Variants in TSHR observed in about 807,000 individuals in gnomAD.
The protein encoded by TSHR is thyroid stimulating hormone receptor.
In TSHR, 51 loss-of-function variants were observed where a neutral mutation model predicts 64.1. The ratio of observed to expected loss-of-function variants is 0.80; its 90% CI spans 0.64 to 1.01. The LOEUF (loss-of-function observed/expected upper bound fraction) is 1.01. Among genes scored for constraint, TSHR ranks in the 50% least tolerant of loss-of-function variants. The pLI is 0.00. For synonymous variants in TSHR, 361 were observed against 361.9 expected (o/e 1.00, Z 0.03); for missense variants, 877 against 942.8 (o/e 0.93, Z 0.91).
intron 1 of TSHR, among the ~76,000 whole-genome samples, chr14:80,987,584 A>C (rs1377793628): frequency 6.6e-6 from 1 of 152,218 alleles, no homozygotes; most frequent in Non-Finnish European, 1.5e-5. Flanking sequence ...TTTCTCCATC[A>C]GGTCACGCAG....
chr14:81,032,901 C>A, intron 1 of TSHR: 1 of 353,936 alleles, frequency 2.8e-6, no homozygotes, highest in South Asian at 2.8e-5. Context: ...AAGGCCTGGA[C>A]GAAAGAGGAA....
chr14:81,084,105 T>C (rs1201802400), intron 3 of TSHR, among the ~76,000 whole-genome samples: 1 of 152,174 alleles, frequency 6.6e-6, no homozygotes. Flanking sequence ...CAACTGGGGT[T>C]ACAATTCAAG....
At chr14:81,022,864 G>T (rs949118113) in intron 1 of TSHR, among the ~76,000 whole-genome samples, 3 of 152,004 alleles carry the variant, frequency 2.0e-5, no homozygotes, top group Non-Finnish European at 4.4e-5. Flanking sequence ...GAGGTGATTG[G>T]GTCATGAAGG....
intron 1 of TSHR, among the ~76,000 whole-genome samples, chr14:81,047,664 C>CTTTTTTTTTTTT (rs11462189): frequency 1.5e-5 from 2 of 135,502 alleles, no homozygotes; most frequent in African/African-American, 5.5e-5. Context: ...TTCATTGGCT[C>CTTTTTTTTTTTT]TTTTTTTTTT....
At chr14:81,017,167 A>G (rs1056481178) in intron 1 of TSHR, among the ~76,000 whole-genome samples, 1 of 152,252 alleles carries the variant, frequency 6.6e-6, no homozygotes, top group Non-Finnish European at 1.5e-5. Flanking sequence ...TAGCGTTCCA[A>G]TAATGGAACA....
intron 7 of TSHR, among the ~76,000 whole-genome samples, chr14:81,100,951 G>A (rs943257739): frequency 1.3e-5 from 2 of 152,108 alleles, no homozygotes; most frequent in Admixed American, 1.3e-4. Flanking sequence ...AATCTTTTCA[G>A]CCCCTGTCTC....
rs957064431 is a variant in TSHR, at chr14:81,145,181, C to T, written c.*828C>T. On this transcript the variant is annotated 3_prime_UTR_variant, in exon 10 of 10. Transcript: ENST00000298171. ...ATCCCCTGTTGATTAATAAAACAGG[C>T]TGGACACTAATTAACTATGGGACTT... is the stretch of plus-strand genomic sequence containing the variant. The T allele has an allele frequency of 4.3e-6, 1 of 232,946 alleles. No homozygotes were observed. Among genetic ancestry groups the T allele is most frequent in the Non-Finnish European group, 8.5e-6 (1 of 117,930 alleles). The allele number at this position is 232,946 out of a possible 1,614,324, so 14.4% of individuals were successfully genotyped here.
At chr14:81,029,203 A>T (rs909895770) in intron 1 of TSHR, among the ~76,000 whole-genome samples, 4 of 152,116 alleles carry the variant, frequency 2.6e-5, no homozygotes, top group Non-Finnish European at 5.9e-5. Flanking sequence ...TGTAAAATTT[A>T]CTTCCAAATC....
chr14:81,108,445 A>G lies in TSHR; in HGVS notation c.685A>G (p.Ser229Gly), dbSNP rs1890047991. ...ATTTGGAGGAGTATACAGTGGACCA[A>G]GCTTGCTGTGAGTAAGACATACAAA... is the stretch of plus-strand genomic sequence containing the variant. ...DAFGGVYSGP[S>G]LLDVSQTSVT... Residue 229 changes from serine (S) to glycine (G), a missense_variant, in exon 8 of 10, where the codon AGC (serine) becomes GGC (glycine). Coordinates refer to ENST00000298171, the MANE Select transcript of TSHR (RefSeq NM_000369.5). The G allele has an allele frequency of 6.2e-7, 1 of 1,613,558 alleles. No homozygotes were observed. Among genetic ancestry groups the G allele is most frequent in the African/African-American group, 1.3e-5 (1 of 74,840 alleles).
At chr14:81,064,889 A>G (rs113604528) in intron 2 of TSHR, among the ~76,000 whole-genome samples, 2,334 of 152,126 alleles carry the variant, frequency 0.015, 81 homozygotes, top group African/African-American at 0.053. Context: ...GGAGGGGATG[A>G]GATCCAAATA....
intron 1 of TSHR, among the ~76,000 whole-genome samples, chr14:81,039,656 G>C (rs930844876): frequency 9.2e-5 from 14 of 151,650 alleles, no homozygotes. Context: ...ACAAAAATCA[G>C]TAGCACTTCT....
chr14:81,055,676 G>A (rs1941275213), intron 1 of TSHR, among the ~76,000 whole-genome samples: 1 of 152,174 alleles, frequency 6.6e-6, no homozygotes, highest in African/African-American at 2.4e-5. Context: ...TGACTGTCCT[G>A]CTGTATTTCA....
At chr14:81,014,970 C>A (rs1226492594) in intron 1 of TSHR, among the ~76,000 whole-genome samples, 2 of 152,142 alleles carry the variant, frequency 1.3e-5, no homozygotes, top group South Asian at 2.1e-4. Flanking sequence ...ATTTTCATTT[C>A]AATTCCATGG....
intron 1 of TSHR, chr14:81,053,733 T>C (rs918467887): frequency 6.6e-6 from 1 of 152,196 alleles, no homozygotes; most frequent in African/African-American, 2.4e-5. Context: ...GCAATGAGTA[T>C]GTGTGTCCAT....
chr14:81,130,852 G>A (rs1309620159), intron 8 of TSHR, among the ~76,000 whole-genome samples: 4 of 129,120 alleles, frequency 3.1e-5, no homozygotes, highest in Non-Finnish European at 4.6e-5. Context: ...TTAGCCGGGC[G>A]CGGTGGCGGG....
intron 1 of TSHR, among the ~76,000 whole-genome samples, chr14:81,006,760 G>A (rs765755207): frequency 7.9e-5 from 12 of 151,952 alleles, no homozygotes; most frequent in South Asian, 2.1e-4. Context: ...TGATCTCCCC[G>A]CCTCGGTCTC....
At chr14:81,117,181 T>A (rs1175020631) in intron 8 of TSHR, among the ~76,000 whole-genome samples, 5 of 87,114 alleles carry the variant, frequency 5.7e-5, no homozygotes, top group African/African-American at 1.8e-4. Context: ...ATAACTAAAA[T>A]CAGAGCAGAA....
chr14:81,095,046 T>C (rs539704112), intron 6 of TSHR, among the ~76,000 whole-genome samples: 1 of 152,296 alleles, frequency 6.6e-6, no homozygotes, highest in Admixed American at 6.5e-5. Flanking sequence ...TGCTTCTTAT[T>C]GTGTTCCCAA....
chr14:81,097,703 G>A (rs532698920), intron 7 of TSHR, among the ~76,000 whole-genome samples: 1 of 152,164 alleles, frequency 6.6e-6, no homozygotes, highest in Non-Finnish European at 1.5e-5. Context: ...TAGGTGGTAG[G>A]TTCTGGAACA....
Sources: gnomAD v4.1 joint callset for allele counts (sites outside exome capture counted in the v4.1 genomes callset) on GRCh38, gnomAD v4.1.1 for gene constraint, MANE v1.5 for transcripts, NCBI Gene and HGNC (gene_info 2026-07-23, HGNC 2026-07-21) for gene names.